Variants in NTNG1 observed in about 807,000 individuals in gnomAD.
NTNG1 encodes the protein netrin G1, also known as netrin-G1.
A neutral mutation model predicts 54.0 loss-of-function variants in NTNG1; 16 were observed. The ratio of observed to expected loss-of-function variants is 0.30; its 90% CI spans 0.20 to 0.45. NTNG1 has a LOEUF of 0.45. Among genes scored for constraint, NTNG1 ranks in the 20% least tolerant of loss-of-function variants. The probability of loss-of-function intolerance (pLI) is 1.00; values close to 1 mark genes in which losing one functional copy is unlikely to be tolerated. For synonymous variants in NTNG1, 255 were observed against 263.1 expected (o/e 0.97, Z 0.30); for missense variants, 530 against 678.7 (o/e 0.78, Z 2.43).
intron 3 of NTNG1, among the ~76,000 whole-genome samples, chr1:107,365,747 A>G (rs1670558955): frequency 6.6e-6 from 1 of 152,258 alleles, no homozygotes; most frequent in Admixed American, 6.5e-5. Context: ...ATAAGAATTT[A>G]AAATCTGCTT....
intron 2 of NTNG1, among the ~76,000 whole-genome samples, chr1:107,220,570 C>A (rs561299971): frequency 2.0e-5 from 3 of 152,350 alleles, no homozygotes; most frequent in Admixed American, 2.0e-4. Context: ...AGTCTGACTA[C>A]CTGCCAGATC....
At chr1:107,298,855 C>T (rs1666144048) in intron 2 of NTNG1, among the ~76,000 whole-genome samples, 1 of 152,114 alleles carries the variant, frequency 6.6e-6, no homozygotes, top group Non-Finnish European at 1.5e-5. Context: ...GCCTGAAAAC[C>T]TTCTACTGGC....
intron 2 of NTNG1, 80 bp downstream of exon 2, chr1:107,148,919 G>C: frequency 7.2e-7 from 1 of 1,380,218 alleles, no homozygotes; most frequent in Non-Finnish European, 1.0e-6. Flanking sequence ...TGAGTGTGAA[G>C]ACAATTCATG....
chr1:107,154,521 A>T (rs2101032979), intron 2 of NTNG1, among the ~76,000 whole-genome samples: 1 of 146,038 alleles, frequency 6.8e-6, no homozygotes, highest in South Asian at 2.3e-4. Context: ...TGTTGAGCCC[A>T]GGAGGTCAAG....
intron 2 of NTNG1, among the ~76,000 whole-genome samples, chr1:107,224,090 T>A (rs1660523788): frequency 6.6e-6 from 1 of 152,174 alleles, no homozygotes; most frequent in South Asian, 2.1e-4. Flanking sequence ...AAAGGCTAAA[T>A]AACTTAAGCT....
rs1318844198 is a variant in NTNG1, at chr1:107,444,269, T to G, written c.1390+7470T>G. ...GACCTCTAAAACATCAGGGACCTGATGCTACCTCTGAGCATGCAGAGTCAG... is the reference window on the plus strand; with the variant it reads ...GACCTCTAAAACATCAGGGACCTGAGGCTACCTCTGAGCATGCAGAGTCAG... On this transcript the variant is annotated intron_variant, in intron 7 of 7. Transcript: ENST00000370068. 2.0e-5 allele frequency among the ~76,000 whole-genome samples: 3 copies of G among 152,246 alleles called. No homozygotes were observed. In the East Asian group the frequency reaches 5.8e-4, roughly 29 times the overall value.
intron 4 of NTNG1, among the ~76,000 whole-genome samples, chr1:107,404,152 G>A (rs949964445): frequency 6.6e-6 from 1 of 151,304 alleles, no homozygotes; most frequent in South Asian, 2.1e-4. Context: ...AGAAGTCACA[G>A]AATTGTACAC....
At chr1:107,167,258 G>A (rs985354987) in intron 2 of NTNG1, among the ~76,000 whole-genome samples, 3 of 151,550 alleles carry the variant, frequency 2.0e-5, no homozygotes, top group Non-Finnish European at 2.9e-5. Context: ...AGAGTGGCAC[G>A]AATTTATGCA....
chr1:107,144,054 A>C (rs1653932642), intron 1 of NTNG1, among the ~76,000 whole-genome samples: 1 of 152,124 alleles, frequency 6.6e-6, no homozygotes, highest in South Asian at 2.1e-4. Context: ...TTATATTTTG[A>C]GAGACAGTTA....
Position 107,226,304 on chromosome 1 carries a change from G to A in NTNG1, c.246+77465G>A, listed in dbSNP as rs1275943250. On this transcript the variant is annotated intron_variant, in intron 2 of 7. Transcript: ENST00000370068. ...CGCTAAATGCAATGCACTATTTTAG[G>A]TTTTTTTCTTCCTCCCTGCTATTCA... Among the ~76,000 whole-genome samples the A allele has an allele frequency of 3.9e-5, 6 of 152,120 alleles. No homozygotes were observed. The East Asian group carries it at 9.7e-4, about 24-fold the overall frequency.
chr1:107,369,132 C>G (rs1240759309), intron 3 of NTNG1, among the ~76,000 whole-genome samples: 1 of 151,882 alleles, frequency 6.6e-6, no homozygotes, highest in Non-Finnish European at 1.5e-5. Context: ...TGTATTATTC[C>G]ATTATTTATC....
chr1:107,377,741 A>T (rs980059483), intron 3 of NTNG1, among the ~76,000 whole-genome samples: 1 of 152,236 alleles, frequency 6.6e-6, no homozygotes, highest in Non-Finnish European at 1.5e-5. Flanking sequence ...CATTTTCAGG[A>T]ATAAGGCAGC....
At chr1:107,450,815 T>C (rs1228421338) in intron 7 of NTNG1, among the ~76,000 whole-genome samples, 1 of 152,102 alleles carries the variant, frequency 6.6e-6, no homozygotes, top group Non-Finnish European at 1.5e-5. Context: ...AATTTTAGGA[T>C]CATCCTAAAT....
Position 107,453,971 on chromosome 1 carries a change from T to A in NTNG1, c.1390+17172T>A, listed in dbSNP as rs192051225. On this transcript the variant is annotated intron_variant, in intron 7 of 7. Transcript: ENST00000370068. ...TACAGATTTGACTCCTTGCCCCACA[T>A]GCCACACCAACTCACTGTGATAGGT... Among the ~76,000 whole-genome samples, 349 of 152,224 alleles carry A rather than the reference T, an allele frequency of 2.3e-3. 4 individuals carry two copies. Among genetic ancestry groups the A allele is most frequent in the African/African-American group, 8.0e-3 (331 of 41,544 alleles).
At chr1:107,431,620 G>A (rs949680836) in intron 6 of NTNG1, among the ~76,000 whole-genome samples, 3 of 152,028 alleles carry the variant, frequency 2.0e-5, no homozygotes. Flanking sequence ...ACCTAGGGAG[G>A]ACCAGGCACC....
At chr1:107,331,802 T>C (rs991848419) in intron 3 of NTNG1, among the ~76,000 whole-genome samples, 5 of 152,086 alleles carry the variant, frequency 3.3e-5, no homozygotes, top group Admixed American at 1.3e-4. Context: ...TGAATAAGTG[T>C]GCTGCCTCTT....
chr1:107,474,679 CCTT>C (rs1363574901), intron 7 of NTNG1, among the ~76,000 whole-genome samples: 5 of 152,172 alleles, frequency 3.3e-5, no homozygotes, highest in African/African-American at 4.8e-5. Context: ...CTTGTAATGG[CCTT>C]CTTGTTGCAC....
In NTNG1 at chr1:107,483,625, G is replaced by T. The variant is rs1215549735; in HGVS notation, c.*2785G>T. On this transcript the variant is annotated 3_prime_UTR_variant, in exon 8 of 8. Transcript: ENST00000370068. ...CTACAATGTTGTGCCCTAAGAACAG[G>T]ACTGGGGTGAAAAGCGGGTACTCAG... Among the ~76,000 whole-genome samples, 1 of 152,194 alleles carries T rather than the reference G, an allele frequency of 6.6e-6. No homozygotes were observed. Among genetic ancestry groups the T allele is most frequent in the Non-Finnish European group, 1.5e-5 (1 of 68,042 alleles).
At chr1:107,379,365 A>G (rs1380505311) in intron 3 of NTNG1, among the ~76,000 whole-genome samples, 1 of 152,240 alleles carries the variant, frequency 6.6e-6, no homozygotes, top group Non-Finnish European at 1.5e-5. Context: ...TTCAGATGCT[A>G]TATCCTCACT....
Sources: gnomAD v4.1 joint callset for allele counts (sites outside exome capture counted in the v4.1 genomes callset) on GRCh38, gnomAD v4.1.1 for gene constraint, MANE v1.5 for transcripts, NCBI Gene and HGNC (gene_info 2026-07-23, HGNC 2026-07-21) for gene names.